The following FRAS1 variants were observed in gnomAD, a reference collection of about 807,000 sequenced individuals.
FRAS1 encodes extracellular matrix organizing protein FRAS1.
Under a neutral mutation model 435.2 loss-of-function variants are expected in FRAS1, and 290 were observed. The observed-to-expected ratio is 0.67, with a 90% CI of 0.61 to 0.73. FRAS1 has a LOEUF of 0.73. FRAS1 is among the 30% of genes least tolerant of loss of function. The pLI, the probability that FRAS1 is intolerant of heterozygous loss-of-function variation, is 0.00. For missense variants in FRAS1, 4,860 were observed against 5,001.5 expected, an observed-to-expected ratio of 0.97 and a Z score of 0.85; for synonymous variants, 1,800 against 1,851.0, an observed-to-expected ratio of 0.97 and a Z score of 0.71.
intron 26 of FRAS1, 132 bp downstream of exon 26, chr4:78,376,011 A>G (rs942148471): frequency 1.0e-5 from 10 of 981,506 alleles, no homozygotes; most frequent in South Asian, 4.4e-5. Context: ...CCATGGTGCT[A>G]CTAAGGAGTA....
intron 2 of FRAS1, among the ~76,000 whole-genome samples, chr4:78,194,108 C>G (rs1321959149): frequency 6.6e-6 from 1 of 152,240 alleles, no homozygotes; most frequent in African/African-American, 2.4e-5. Flanking sequence ...CCCCCACTCT[C>G]TTCTGGCTTG....
At chr4:78,162,870 G>A (rs1267202825) in intron 2 of FRAS1, among the ~76,000 whole-genome samples, 3 of 152,242 alleles carry the variant, frequency 2.0e-5, no homozygotes, top group Middle Eastern at 6.8e-3. Flanking sequence ...ATCCTGTACT[G>A]GGGAAAACAA....
At position 78,089,878 on chromosome 4, in the gene FRAS1, A is replaced by G. The variant is rs541669014; in HGVS notation, c.108+23862A>G. ...ACCCAGGTACTAAACCTAGTACCCA[A>G]TAGTTACTTTTTCTGCTCCTCTCCC... On this transcript the variant is annotated intron_variant, in intron 2 of 73. Transcript: ENST00000512123. Among the ~76,000 whole-genome samples the G allele has an allele frequency of 7.4e-4, 51 of 69,010 alleles. No homozygotes were observed. In the East Asian group the frequency reaches 0.039, roughly 53 times the overall value. 45.3% of individuals were successfully genotyped at this position (69,010 alleles called of 152,430 possible).
chr4:78,418,650 G>A (rs987584310), intron 32 of FRAS1, among the ~76,000 whole-genome samples: 2 of 152,138 alleles, frequency 1.3e-5, no homozygotes, highest in Admixed American at 6.5e-5. Flanking sequence ...GTTCCACCTA[G>A]GAAAAAAGTA....
intron 35 of FRAS1, among the ~76,000 whole-genome samples, chr4:78,425,952 A>C (rs1344817848): frequency 1.3e-5 from 2 of 152,122 alleles, no homozygotes; most frequent in Non-Finnish European, 2.9e-5. Context: ...GCCCACGCAC[A>C]TAGTAATATT....
chr4:78,513,781 C>A (rs1403684501), intron 65 of FRAS1, among the ~76,000 whole-genome samples: 1 of 152,198 alleles, frequency 6.6e-6, no homozygotes, highest in African/African-American at 2.4e-5. Flanking sequence ...TTCCACTGAA[C>A]AAATATAGTT....
intron 3 of FRAS1, among the ~76,000 whole-genome samples, chr4:78,244,213 A>T (rs1432173093): frequency 2.6e-5 from 4 of 152,114 alleles, no homozygotes; most frequent in South Asian, 2.1e-4. Context: ...CAATTTTTTT[A>T]AAAATGAAGC....
intron 61 of FRAS1, among the ~76,000 whole-genome samples, chr4:78,507,107 C>T (rs1174119762): frequency 1.3e-5 from 2 of 152,116 alleles, no homozygotes; most frequent in Non-Finnish European, 2.9e-5. Context: ...AAACTCATAA[C>T]CAGGGTGAAG....
At position 78,318,977 on chromosome 4, in the gene FRAS1, A is replaced by C. The variant is rs345512; in HGVS notation, c.2128A>C (p.Ile710Leu). 8.1e-3 allele frequency: 13,004 copies of C among 1,613,808 alleles called. 855 individuals carry two copies. In the African/African-American group the frequency reaches 0.15, roughly 18 times the overall value. ...RAHFYLESTG[I>L]CEACHQSCFR... is the part of the protein sequence containing the mutation. Reference sequence around the variant, plus strand: ...CCATTTTTACTTGGAGAGCACTGGCATATGTGAAGGTAAGCATGATTTGAG... The same window carrying C: ...CCATTTTTACTTGGAGAGCACTGGCCTATGTGAAGGTAAGCATGATTTGAG... Residue 710 changes from isoleucine to leucine, a missense_variant, in exon 18 of 74, where the codon ATA becomes CTA. Transcript: ENST00000512123.
chr4:78,305,514 G>A lies in FRAS1; in HGVS notation c.1535-2552G>A, dbSNP rs552661638. ...GGGAGTCTAAGTCTCTTTGTAGGTC[G>A]CTAAGGACTTGCTTTATGAATCTGG... On this transcript the variant is annotated intron_variant, in intron 14 of 73. Coordinates refer to ENST00000512123, the MANE Select transcript of FRAS1 (RefSeq NM_025074.7). Among the ~76,000 whole-genome samples, 29 of 147,622 alleles carry A rather than the reference G, an allele frequency of 2.0e-4. No homozygotes were observed. The East Asian group carries it at 2.0e-3, about 10-fold the overall frequency.
chr4:78,254,870 C>A (rs1020810758), intron 5 of FRAS1, among the ~76,000 whole-genome samples: 1 of 151,880 alleles, frequency 6.6e-6, no homozygotes, highest in Non-Finnish European at 1.5e-5. Flanking sequence ...GGGAGGATAC[C>A]CTCACAGACA....
chr4:78,192,870 G>A (rs2110065704), intron 2 of FRAS1, among the ~76,000 whole-genome samples: 1 of 152,296 alleles, frequency 6.6e-6, no homozygotes, highest in South Asian at 2.1e-4. Flanking sequence ...ATGTTAGGGT[G>A]TCAATTTTAG....
intron 18 of FRAS1, among the ~76,000 whole-genome samples, chr4:78,328,198 A>G (rs938474042): frequency 2.0e-5 from 3 of 152,174 alleles, no homozygotes; most frequent in Admixed American, 2.0e-4. Context: ...CTTTGTGCAC[A>G]TTGAGTAAGG....
chr4:78,249,863 T>G (rs1725450076), intron 4 of FRAS1, among the ~76,000 whole-genome samples: 1 of 152,184 alleles, frequency 6.6e-6, no homozygotes, highest in Admixed American at 6.5e-5. Context: ...CTGCAATGTT[T>G]TGGAAACAAC....
At chr4:78,146,439 T>A (rs986547943) in intron 2 of FRAS1, among the ~76,000 whole-genome samples, 2 of 152,190 alleles carry the variant, frequency 1.3e-5, no homozygotes, top group African/African-American at 4.8e-5. Flanking sequence ...TTCCTTTATA[T>A]TCCATAACAC....
chr4:78,354,486 C>G (rs1730772543), intron 20 of FRAS1, among the ~76,000 whole-genome samples: 1 of 152,086 alleles, frequency 6.6e-6, no homozygotes, highest in Admixed American at 6.5e-5. Flanking sequence ...GCTTCTTTTT[C>G]TTCTGTCATC....
At chr4:78,183,471 C>T (rs1722126634) in intron 2 of FRAS1, among the ~76,000 whole-genome samples, 1 of 152,134 alleles carries the variant, frequency 6.6e-6, no homozygotes, top group Admixed American at 6.5e-5. Flanking sequence ...TTTCAGCAGC[C>T]CTGCTCAGGA....
intron 20 of FRAS1, among the ~76,000 whole-genome samples, chr4:78,338,786 G>A (rs1730281115): frequency 6.6e-6 from 1 of 152,242 alleles, no homozygotes; most frequent in Non-Finnish European, 1.5e-5. Flanking sequence ...CGGCTGTTCG[G>A]TCTGGTGGAT....
intron 35 of FRAS1, among the ~76,000 whole-genome samples, chr4:78,425,356 C>A (rs1472695400): frequency 1.3e-5 from 2 of 152,132 alleles, no homozygotes; most frequent in African/African-American, 4.8e-5. Flanking sequence ...TGCCAATCAG[C>A]AAAAGCAGAG....
Sources: gnomAD v4.1 joint callset for allele counts (sites outside exome capture counted in the v4.1 genomes callset) on GRCh38, gnomAD v4.1.1 for gene constraint, MANE v1.5 for transcripts, NCBI Gene and HGNC (gene_info 2026-07-23, HGNC 2026-07-21) for gene names.